Variants in ADGRG6 observed in about 807,000 individuals in gnomAD.
ADGRG6 encodes the protein G-protein coupled receptor 126.
A neutral mutation model predicts 142.4 loss-of-function variants in ADGRG6; 84 were observed. That is an observed-to-expected ratio of 0.59 (90% CI 0.49 to 0.71). ADGRG6 has a LOEUF of 0.71. Ranked by LOEUF, ADGRG6 falls within the 30% of genes least tolerant of loss-of-function variation. The pLI is 0.00. For synonymous variants in ADGRG6, 521 were observed against 520.5 expected (o/e 1.00, Z -0.01); for missense variants, 1,367 against 1,466.6 (o/e 0.93, Z 1.11).
At chr6:142,442,156 C>T (rs1206421079) in intron 24 of ADGRG6, among the ~76,000 whole-genome samples, 1 of 152,146 alleles carries the variant, frequency 6.6e-6, no homozygotes, top group Non-Finnish European at 1.5e-5. Flanking sequence ...ATGTAAAAAG[C>T]ATTGGAGTGA....
chr6:142,385,461 C>T (rs1781974965), intron 6 of ADGRG6, among the ~76,000 whole-genome samples: 1 of 151,988 alleles, frequency 6.6e-6, no homozygotes, highest in South Asian at 2.1e-4. Context: ...TTATTTTTAC[C>T]ATGTCTCTGA....
intron 4 of ADGRG6, among the ~76,000 whole-genome samples, chr6:142,381,707 C>T (rs535197554): frequency 4.6e-5 from 7 of 152,260 alleles, no homozygotes; most frequent in African/African-American, 1.7e-4. Flanking sequence ...GGGGCAGTGG[C>T]ACTGCTTTTC....
rs116682631 is a variant in ADGRG6, at chr6:142,359,074, G to C, written c.104-8495G>C. On this transcript the variant is annotated intron_variant, in intron 2 of 24. Transcript: ENST00000367609. ...AAAAAAAAAATATCTGGGCATGGTG[G>C]TGCATACATGTGGTCTCAGCTACTC... Among the ~76,000 whole-genome samples, 1,148 of 151,350 alleles carry C rather than the reference G, an allele frequency of 7.6e-3. 13 individuals are homozygous for C. Among genetic ancestry groups the C allele is most frequent in the African/African-American group, 0.027 (1,095 of 41,170 alleles).
At chr6:142,423,878 T>C (rs1426631884) in intron 22 of ADGRG6, among the ~76,000 whole-genome samples, 111 of 137,062 alleles carry the variant, frequency 8.1e-4, no homozygotes, top group Non-Finnish European at 1.1e-3. Flanking sequence ...CTTGAAGAGG[T>C]CCTTCACATC....
chr6:142,432,141 G>C (rs1777245368), intron 22 of ADGRG6, among the ~76,000 whole-genome samples: 1 of 151,978 alleles, frequency 6.6e-6, no homozygotes, highest in Non-Finnish European at 1.5e-5. Context: ...AGGTGCCCTT[G>C]GCTCTCTGGC....
intron 19 of ADGRG6, 128 bp from the exon 20 acceptor site, chr6:142,415,668 C>T (rs1483571333): frequency 3.2e-6 from 2 of 630,234 alleles, no homozygotes; most frequent in East Asian, 2.7e-5. Context: ...TTAGCAGAAC[C>T]ACATCAGAAA....
chr6:142,302,522 A>T, intron 1 of ADGRG6, 191 bp downstream of exon 1: 1 of 564,752 alleles, frequency 1.8e-6, no homozygotes, highest in South Asian at 2.6e-5. Flanking sequence ...TGCCAAGTGG[A>T]GTTGTGACAT....
At chr6:142,318,873 T>C (rs576586631) in intron 2 of ADGRG6, among the ~76,000 whole-genome samples, 13 of 151,948 alleles carry the variant, frequency 8.6e-5, no homozygotes, top group African/African-American at 3.1e-4. Flanking sequence ...CTGGAGGATG[T>C]TAAGTGAGGG....
Position 142,382,005 on chromosome 6 carries a change from G to T in ADGRG6, c.1124G>T (p.Gly375Val). The change falls in exon 5 of 25, where the codon GGG (glycine) becomes GTG (valine). Residue 375 changes from glycine (G) to valine (V), a missense_variant. Around this residue, in one of 3 missense-constraint regions of ADGRG6, gnomAD observed 737 missense variants for 746.5 expected, o/e 0.99. Coordinates refer to ENST00000367609, the MANE Select transcript of ADGRG6 (RefSeq NM_198569.3). ...GAACTGGCCAGCTGTGCAGACCTGGGGACCCTCTGTCAAGGTAGGGAGCCC... is the reference window on the plus strand; with the variant it reads ...GAACTGGCCAGCTGTGCAGACCTGGTGACCCTCTGTCAAGGTAGGGAGCCC... ...AAELASCADLGTLCQATVNSP... is the reference protein window; with the variant it reads ...AAELASCADLVTLCQATVNSP... The T allele has an allele frequency of 6.2e-7, 1 of 1,601,926 alleles. No homozygotes were observed. The highest frequency in any genetic ancestry group is 8.5e-7 in the Non-Finnish European group (1 of 1,172,114).
intron 2 of ADGRG6, among the ~76,000 whole-genome samples, chr6:142,337,066 C>A (rs373945590): frequency 5.3e-5 from 8 of 152,326 alleles, no homozygotes; most frequent in African/African-American, 1.9e-4. Flanking sequence ...GGTGCTTCAA[C>A]AGGGGCAGTT....
At position 142,408,245 on chromosome 6, in the gene ADGRG6, A is replaced by G; in HGVS notation, c.2364A>G (p.Ile788Met). Reference sequence around the variant, plus strand: ...AGAATCTGAAGGATCCTGTTCAAATAAAAATCAAACATACAAGAACTCAGG... The same window carrying G: ...AGAATCTGAAGGATCCTGTTCAAATGAAAATCAAACATACAAGAACTCAGG... ...TIQNLKDPVQ[I>M]KIKHTRTQEV... Residue 788 changes from isoleucine to methionine, a missense_variant, in exon 16 of 25, where the codon ATA becomes ATG. Physicochemically the swap from Ile to Met is conservative, Grantham distance 10 (BLOSUM62 1). Around this residue, in one of 3 missense-constraint regions of ADGRG6, gnomAD observed 286 missense variants for 371.4 expected, o/e 0.77. Coordinates refer to ENST00000367609, the MANE Select transcript of ADGRG6 (RefSeq NM_198569.3). 6.4e-7 allele frequency: 1 copy of G among 1,574,142 alleles called. No homozygotes were observed.
chr6:142,334,428 T>G (rs1410529788), intron 2 of ADGRG6, among the ~76,000 whole-genome samples: 2 of 152,110 alleles, frequency 1.3e-5, no homozygotes, highest in African/African-American at 4.8e-5. Flanking sequence ...ATTAACAGAT[T>G]ATAGAAGTGC....
At chr6:142,338,106 T>C (rs1427331368) in intron 2 of ADGRG6, among the ~76,000 whole-genome samples, 2 of 142,964 alleles carry the variant, frequency 1.4e-5, no homozygotes, top group African/African-American at 2.6e-5. Context: ...CTGCAAGCTC[T>C]GCCTCCCGGG....
At chr6:142,414,882 A>AT in intron 18 of ADGRG6, 87 bp from the exon 19 acceptor site, 1 of 1,106,962 alleles carries the variant, frequency 9.0e-7, no homozygotes, top group African/African-American at 1.6e-5. Context: ...AAGCTGCTCT[A>AT]ATGTTAACAG....
chr6:142,442,415 T>C (rs539262912), intron 24 of ADGRG6, among the ~76,000 whole-genome samples: 1 of 152,284 alleles, frequency 6.6e-6, no homozygotes, highest in South Asian at 2.1e-4. Flanking sequence ...TCTTTATAGA[T>C]AATAGAGCAT....
intron 20 of ADGRG6, 73 bp from the exon 21 acceptor site, chr6:142,417,200 C>G: frequency 1.3e-6 from 1 of 793,322 alleles, no homozygotes; most frequent in East Asian, 2.6e-5. Context: ...CTTTTCTTTA[C>G]ATTTCATTAG....
In ADGRG6 at chr6:142,397,597, C is replaced by T. The variant is rs199589141; in HGVS notation, c.1425-16C>T. The T allele has an allele frequency of 6.9e-5, 110 of 1,605,182 alleles. No individual in the cohort carries two copies. The highest frequency in any genetic ancestry group is 5.8e-4 in the African/African-American group (43 of 74,346). On this transcript the variant is annotated splice_polypyrimidine_tract_variant and intron_variant, in intron 9 of 24. Transcript: ENST00000367609. ...AATGAACAACAACAACAGTTCTATC[C>T]GAAATGTTTCCCTAGGTTGGTGCTT...
chr6:142,377,854 A>G (rs1364811932), intron 4 of ADGRG6, among the ~76,000 whole-genome samples: 1 of 152,188 alleles, frequency 6.6e-6, no homozygotes, highest in Non-Finnish European at 1.5e-5. Flanking sequence ...TTGTAATGCA[A>G]GTTTTCATTT....
chr6:142,372,040 C>G (rs899381158), intron 4 of ADGRG6, among the ~76,000 whole-genome samples: 2 of 151,966 alleles, frequency 1.3e-5, no homozygotes, highest in African/African-American at 2.4e-5. Context: ...TGTGCTGTCT[C>G]TGGTTCTTCT....
Sources: allele counts gnomAD v4.1 joint callset (sites outside exome capture counted in the v4.1 genomes callset), GRCh38; gene constraint gnomAD v4.1.1; regional missense constraint gnomAD v4.1.1; transcripts MANE v1.5; gene names NCBI Gene and HGNC (gene_info 2026-07-23, HGNC 2026-07-21).